The following NBEA variants were observed in gnomAD, a reference collection of about 807,000 sequenced individuals.
The protein encoded by NBEA is lysosomal-trafficking regulator 2.
In NBEA, 44 loss-of-function variants were observed where a neutral mutation model predicts 343.4. The ratio of observed to expected loss-of-function variants is 0.13; its 90% CI spans 0.10 to 0.16. The LOEUF (loss-of-function observed/expected upper bound fraction) is 0.16, where lower values mean the gene tolerates loss of function less well. Among genes scored for constraint, NBEA ranks in the 10% least tolerant of loss-of-function variants. The pLI, the probability that NBEA is intolerant of heterozygous loss-of-function variation, is 1.00. For missense variants in NBEA, 2,555 were observed against 3,631.3 expected, an observed-to-expected ratio of 0.70 and a Z score of 7.62; for synonymous variants, 1,175 against 1,238.7, an observed-to-expected ratio of 0.95 and a Z score of 1.08.
intron 10 of NBEA, among the ~76,000 whole-genome samples, chr13:35,087,029 G>A (rs1177734013): frequency 6.6e-6 from 1 of 151,390 alleles, no homozygotes; most frequent in African/African-American, 2.4e-5. Context: ...TGAGTTCCTT[G>A]TATGTGCTGG....
chr13:35,290,816 G>A (rs534712061), intron 35 of NBEA, among the ~76,000 whole-genome samples: 2 of 151,166 alleles, frequency 1.3e-5, no homozygotes, highest in Non-Finnish European at 3.0e-5. Context: ...TTATATTTGA[G>A]ATAATGAAAA....
intron 1 of NBEA, among the ~76,000 whole-genome samples, chr13:34,949,408 GA>G (rs894670561): frequency 2.0e-5 from 3 of 152,182 alleles, no homozygotes; most frequent in Admixed American, 1.3e-4. Context: ...TACTTCTAGA[GA>G]AACCTCAAGC....
chr13:35,223,323 G>A (rs541073525), intron 33 of NBEA, among the ~76,000 whole-genome samples: 2 of 152,248 alleles, frequency 1.3e-5, no homozygotes, highest in Non-Finnish European at 2.9e-5. Flanking sequence ...GTAGTACAAA[G>A]TCAGCTACAT....
intron 34 of NBEA, among the ~76,000 whole-genome samples, chr13:35,250,830 A>G (rs1566519514): frequency 2.0e-5 from 3 of 152,266 alleles, no homozygotes; most frequent in African/African-American, 4.8e-5. Flanking sequence ...GGATTTCACA[A>G]AAATGATATT....
intron 17 of NBEA, among the ~76,000 whole-genome samples, chr13:35,141,969 C>T (rs576469509): frequency 6.6e-6 from 1 of 151,946 alleles, no homozygotes. Context: ...AAAATAACTT[C>T]AAAATAGTTA....
intron 1 of NBEA, among the ~76,000 whole-genome samples, chr13:34,949,789 AG>A (rs2059295615): frequency 6.6e-6 from 1 of 152,014 alleles, no homozygotes; most frequent in Non-Finnish European, 1.5e-5. Context: ...GGTACCACCA[AG>A]AAGAATATTG....
chr13:35,022,642 GATAA>G (rs1336349825), intron 1 of NBEA, among the ~76,000 whole-genome samples: 1 of 152,040 alleles, frequency 6.6e-6, no homozygotes, highest in African/African-American at 2.4e-5. Context: ...GCTTGGTGGA[GATAA>G]ATATATATGT....
At chr13:35,084,144 A>G (rs916871947) in intron 10 of NBEA, among the ~76,000 whole-genome samples, 1 of 152,124 alleles carries the variant, frequency 6.6e-6, no homozygotes, top group Non-Finnish European at 1.5e-5. Context: ...TTAACACCCC[A>G]CTGTCAACAT....
At chr13:35,655,044 A>G (rs1322492850) in intron 54 of NBEA, 34 bp downstream of exon 54, 1 of 1,425,524 alleles carries the variant, frequency 7.0e-7, no homozygotes, top group Non-Finnish European at 9.2e-7. Flanking sequence ...TATTCTCTTC[A>G]AAATGACTAT....
chr13:35,006,299 G>C (rs1457207514), intron 1 of NBEA, among the ~76,000 whole-genome samples: 1 of 151,602 alleles, frequency 6.6e-6, no homozygotes, highest in Non-Finnish European at 1.5e-5. Context: ...TCTTTTAGTG[G>C]TAACCCTAGA....
intron 41 of NBEA, among the ~76,000 whole-genome samples, chr13:35,499,381 G>T (rs772991642): frequency 5.3e-5 from 8 of 152,082 alleles, no homozygotes; most frequent in African/African-American, 7.2e-5. Context: ...TGACTGACTA[G>T]AAAGTGCGGA....
At chr13:35,482,898 A>T (rs1183160635) in intron 41 of NBEA, among the ~76,000 whole-genome samples, 1 of 151,746 alleles carries the variant, frequency 6.6e-6, no homozygotes, top group Admixed American at 6.6e-5. Flanking sequence ...CCCTGATTTC[A>T]TTATTTTTAT....
intron 17 of NBEA, among the ~76,000 whole-genome samples, chr13:35,138,211 T>C (rs2067853670): frequency 6.6e-6 from 1 of 152,126 alleles, no homozygotes; most frequent in South Asian, 2.1e-4. Flanking sequence ...ATACATAGGG[T>C]TGGTAAAATG....
At chr13:34,985,049 G>T (rs569307119) in intron 1 of NBEA, among the ~76,000 whole-genome samples, 3 of 150,894 alleles carry the variant, frequency 2.0e-5, no homozygotes, top group African/African-American at 7.2e-5. Flanking sequence ...TTGCCTGATT[G>T]CCCTGGCCAG....
At chr13:35,420,692 A>G (rs951639435) in intron 38 of NBEA, among the ~76,000 whole-genome samples, 2 of 151,992 alleles carry the variant, frequency 1.3e-5, no homozygotes, top group Non-Finnish European at 2.9e-5. Flanking sequence ...TAATTGTTAC[A>G]GAGTTGTTCA....
chr13:35,124,499 C>T (rs1302416126), intron 17 of NBEA, among the ~76,000 whole-genome samples: 1 of 143,334 alleles, frequency 7.0e-6, no homozygotes, highest in Non-Finnish European at 1.5e-5. Flanking sequence ...TGTGTGTATA[C>T]ACACACACAC....
At position 35,208,093 on chromosome 13, in the gene NBEA, A is replaced by C. The variant is rs533418983; in HGVS notation, c.5367-607A>C. 9.2e-5 allele frequency among the ~76,000 whole-genome samples: 14 copies of C among 152,166 alleles called. No homozygotes were observed. In the East Asian group the frequency reaches 1.6e-3, roughly 17 times the overall value. ...AAATTACCTGAGTGTGGTGGCACGT[A>C]GCTGTAATCCCAGCTACTTGGGAGG... On this transcript the variant is annotated intron_variant, in intron 31 of 58. Transcript: ENST00000379939.
rs962421482 is a variant in NBEA, at chr13:34,973,120, A to T, written c.294+30006A>T. Among the ~76,000 whole-genome samples the T allele has an allele frequency of 2.6e-5, 4 of 152,072 alleles. No individual in the cohort carries two copies. In the East Asian group the frequency reaches 7.7e-4, roughly 29 times the overall value. On this transcript the variant is annotated intron_variant, in intron 1 of 58. Coordinates refer to ENST00000379939, the MANE Select transcript of NBEA (RefSeq NM_001385012.1). ...GGTTTTCCAGTACCTACCTGAAGGT[A>T]TCACCAGTGAAGGCTATGAAACAGC...
At chr13:35,272,769 T>C (rs559979928) in intron 34 of NBEA, among the ~76,000 whole-genome samples, 36 of 152,230 alleles carry the variant, frequency 2.4e-4, no homozygotes, top group Admixed American at 1.3e-3. Flanking sequence ...AAGGCCATTA[T>C]ATAATGGTAA....
Sources: allele counts gnomAD v4.1 joint callset (sites outside exome capture counted in the v4.1 genomes callset), GRCh38; gene constraint gnomAD v4.1.1; transcripts MANE v1.5; gene names NCBI Gene and HGNC (gene_info 2026-07-23, HGNC 2026-07-21).